NTM: variants seen among roughly 807,000 people sequenced by gnomAD.
NTM encodes the protein IgLON family member 2.
A neutral mutation model predicts 42.1 loss-of-function variants in NTM; 13 were observed. That is an observed-to-expected ratio of 0.31 (90% CI 0.20 to 0.49). The LOEUF is 0.49. Ranked by LOEUF, NTM falls within the 20% of genes least tolerant of loss-of-function variation. The pLI is 0.99. For missense variants in NTM, 373 were observed against 452.8 expected (o/e 0.82, Z 1.60); for synonymous variants, 187 against 179.2 (o/e 1.04, Z -0.35).
At chr11:131,828,940 TTCTC>T (rs144973215) in intron 1 of NTM, among the ~76,000 whole-genome samples, 3 of 151,468 alleles carry the variant, frequency 2.0e-5, no homozygotes, top group Non-Finnish European at 4.4e-5. Flanking sequence ...CATCTTTTAT[TTCTC>T]TCTCTCTCTT....
chr11:132,023,959 C>G (rs2074790593), intron 2 of NTM, among the ~76,000 whole-genome samples: 1 of 151,952 alleles, frequency 6.6e-6, no homozygotes, highest in Non-Finnish European at 1.5e-5. Flanking sequence ...GCTGGGACTA[C>G]AGGTGTGTGC....
intron 1 of NTM, among the ~76,000 whole-genome samples, chr11:131,484,490 C>T (rs941872813): frequency 9.2e-5 from 14 of 152,182 alleles, no homozygotes; most frequent in Non-Finnish European, 1.6e-4. Flanking sequence ...CTGCTTCGGG[C>T]AGCACACAGG....
At chr11:132,264,142 C>A (rs1193604528) in intron 4 of NTM, among the ~76,000 whole-genome samples, 1 of 152,184 alleles carries the variant, frequency 6.6e-6, no homozygotes. Flanking sequence ...TCTATTTTCC[C>A]ACCCTTTGGC....
chr11:132,074,028 G>T (rs1021447291), intron 2 of NTM, among the ~76,000 whole-genome samples: 2 of 152,206 alleles, frequency 1.3e-5, no homozygotes, highest in African/African-American at 4.8e-5. Context: ...CTAATTGGCT[G>T]AGGATGAGTC....
chr11:131,461,403 T>C (rs949502114), intron 1 of NTM, among the ~76,000 whole-genome samples: 1 of 152,072 alleles, frequency 6.6e-6, no homozygotes, highest in Admixed American at 6.5e-5. Flanking sequence ...TTTGAGTTGG[T>C]GAAAAGAAAA....
At position 132,199,425 on chromosome 11, in the gene NTM, G is replaced by C. The variant is rs74718445; in HGVS notation, c.401-12597G>C. The stretch of plus-strand genomic sequence containing the variant: ...TTTGGATTGGGTGGTCAGGCTCTTT[G>C]ATGTGCAGAGATAAATGAACGCTGT... On this transcript the variant is annotated intron_variant, in intron 3 of 8. Transcript: ENST00000683400. Among the ~76,000 whole-genome samples the C allele has an allele frequency of 8.1e-3, 1,241 of 152,304 alleles. 11 individuals are homozygous for C. Among genetic ancestry groups the C allele is most frequent in the African/African-American group, 0.028 (1,146 of 41,570 alleles).
At chr11:132,094,150 T>C (rs1309693174) in intron 2 of NTM, among the ~76,000 whole-genome samples, 1 of 152,224 alleles carries the variant, frequency 6.6e-6, no homozygotes, top group Non-Finnish European at 1.5e-5. Context: ...ACAGTCTCTT[T>C]ACAGTTTTAT....
intron 1 of NTM, among the ~76,000 whole-genome samples, chr11:131,846,613 T>C (rs1437652856): frequency 6.6e-6 from 1 of 152,194 alleles, no homozygotes; most frequent in Non-Finnish European, 1.5e-5. Context: ...AATTTGAGTA[T>C]GAATGAAATT....
chr11:131,431,919 C>T (rs181421017), intron 1 of NTM, among the ~76,000 whole-genome samples: 14 of 152,200 alleles, frequency 9.2e-5, no homozygotes, highest in South Asian at 2.1e-4. Context: ...CCAACCACCA[C>T]GCAAACTTCC....
rs1312119240 is a variant in NTM, at chr11:132,323,003, C to A, written c.935-7150C>A. Among the ~76,000 whole-genome samples the A allele has an allele frequency of 2.9e-4, 40 of 136,344 alleles. No homozygotes were observed. In the East Asian group the frequency reaches 7.6e-3, roughly 26 times the overall value. The allele number at this position is 136,344 out of a possible 152,430, so 89.4% of individuals were successfully genotyped here. On this transcript the variant is annotated intron_variant, in intron 7 of 8. Transcript: ENST00000683400. ...CAATGAGAACAAAGACACAACATAC[C>A]AGAATCTCTGGGACGCATTCAAAGC...
chr11:132,096,539 C>T (rs557361079), intron 2 of NTM, among the ~76,000 whole-genome samples: 7 of 152,268 alleles, frequency 4.6e-5, no homozygotes, highest in African/African-American at 1.4e-4. Context: ...TTATAATATT[C>T]GCCTAATGAT....
At chr11:131,434,847 G>A (rs1005092879) in intron 1 of NTM, among the ~76,000 whole-genome samples, 4 of 152,158 alleles carry the variant, frequency 2.6e-5, no homozygotes, top group Admixed American at 6.5e-5. Context: ...TGGTGTTTTA[G>A]TCATGAAGTC....
At chr11:131,437,368 A>G (rs1170160324) in intron 1 of NTM, among the ~76,000 whole-genome samples, 1 of 152,102 alleles carries the variant, frequency 6.6e-6, no homozygotes, top group Non-Finnish European at 1.5e-5. Flanking sequence ...CGGTCTGTCT[A>G]ATATTGAGAG....
chr11:131,701,612 A>G (rs1299525658), intron 1 of NTM, among the ~76,000 whole-genome samples: 2 of 152,188 alleles, frequency 1.3e-5, no homozygotes, highest in African/African-American at 4.8e-5. Flanking sequence ...ATTCTTCACC[A>G]ATGTCCAATA....
intron 4 of NTM, among the ~76,000 whole-genome samples, chr11:132,214,465 G>A (rs117581479): frequency 0.023 from 3,470 of 152,056 alleles, 61 homozygotes; most frequent in Middle Eastern, 0.071. Context: ...TCCTGCATGC[G>A]TCTCCTTTTT....
chr11:131,492,776 G>A (rs955961187), intron 1 of NTM, among the ~76,000 whole-genome samples: 7 of 152,304 alleles, frequency 4.6e-5, no homozygotes, highest in East Asian at 3.9e-4. Flanking sequence ...TGATGTGAAC[G>A]TTAATTTGCA....
intron 2 of NTM, among the ~76,000 whole-genome samples, chr11:131,940,094 C>T (rs2059635767): frequency 6.6e-6 from 1 of 152,216 alleles, no homozygotes; most frequent in Non-Finnish European, 1.5e-5. Flanking sequence ...GAGAGCTTTT[C>T]TCACTGTTTT....
intron 2 of NTM, among the ~76,000 whole-genome samples, chr11:131,958,241 G>A (rs1399398972): frequency 6.6e-6 from 1 of 152,154 alleles, no homozygotes; most frequent in African/African-American, 2.4e-5. Flanking sequence ...AAGGCACTCA[G>A]AAAGTATCCT....
chr11:132,038,643 G>A, intron 2 of NTM, among the ~76,000 whole-genome samples: 1 of 152,194 alleles, frequency 6.6e-6, no homozygotes, highest in East Asian at 1.9e-4. Context: ...TGCTGTTGCT[G>A]CACTTACTGA....
Sources: allele counts gnomAD v4.1 joint callset (sites outside exome capture counted in the v4.1 genomes callset), GRCh38; gene constraint gnomAD v4.1.1; transcripts MANE v1.5; gene names NCBI Gene and HGNC (gene_info 2026-07-23, HGNC 2026-07-21).